The following DSCAM variants were observed in gnomAD, a reference collection of about 807,000 sequenced individuals.
The protein encoded by DSCAM is cell adhesion molecule DSCAM.
DSCAM carries 47 observed loss-of-function variants against 217.7 expected under a neutral mutation model. That is an observed-to-expected ratio of 0.22 (90% CI 0.17 to 0.28). The LOEUF (loss-of-function observed/expected upper bound fraction) is 0.28, where lower values mean the gene tolerates loss of function less well. Among genes scored for constraint, DSCAM ranks in the 10% least tolerant of loss-of-function variants. DSCAM has a pLI of 1.00. For synonymous variants in DSCAM, 1,056 were observed against 1,015.3 expected, an observed-to-expected ratio of 1.04 and a Z score of -0.76; for missense variants, 2,080 against 2,618.3, an observed-to-expected ratio of 0.79 and a Z score of 4.49.
chr21:40,653,271 A>T lies in DSCAM; in HGVS notation c.508+39539T>A, dbSNP rs148693958. On this transcript the variant is annotated intron_variant, in intron 3 of 32. Coordinates refer to ENST00000400454, the MANE Select transcript of DSCAM (RefSeq NM_001389.5). ...CTCCAACACAGTCCAACATTTCCAC[A>T]TGGGTTCCTGTTAACGACACGGTCT... Among the ~76,000 whole-genome samples the T allele has an allele frequency of 5.3e-5, 8 of 152,262 alleles. No homozygotes were observed. The East Asian group carries it at 1.4e-3, about 26-fold the overall frequency.
chr21:40,531,067 C>T (rs1462627575), intron 3 of DSCAM, among the ~76,000 whole-genome samples: 1 of 152,172 alleles, frequency 6.6e-6, no homozygotes, highest in Non-Finnish European at 1.5e-5. Context: ...ATTTTCCACA[C>T]CTCAGGCAGA....
chr21:40,068,637 A>G (rs2089245557), intron 27 of DSCAM, among the ~76,000 whole-genome samples: 1 of 152,190 alleles, frequency 6.6e-6, no homozygotes, highest in Non-Finnish European at 1.5e-5. Flanking sequence ...TGATGAGACA[A>G]CCTGTTTCTT....
At position 40,287,842 on chromosome 21, in the gene DSCAM, A is replaced by G. The variant is rs188682793; in HGVS notation, c.2182+8213T>C. Among the ~76,000 whole-genome samples, 4 of 152,230 alleles carry G rather than the reference A, an allele frequency of 2.6e-5. No individual in the cohort carries two copies. In the East Asian group the frequency reaches 5.8e-4, roughly 22 times the overall value. On this transcript the variant is annotated intron_variant, in intron 10 of 32. Transcript: ENST00000400454. ...GCAGCTTGTCTGGGTGCAGTAGGAG[A>G]AGGAGGAGCTAAAGCAAACCTGTGT...
intron 23 of DSCAM, 106 bp downstream of exon 23, chr21:40,085,495 AG>A: frequency 9.9e-7 from 1 of 1,006,562 alleles, no homozygotes; most frequent in Non-Finnish European, 1.3e-6. Context: ...TGGAAACAGA[AG>A]TTAGCTCTTT....
chr21:40,756,976 CGTGTGTGTGTGT>C, intron 1 of DSCAM, among the ~76,000 whole-genome samples: 1 of 149,708 alleles, frequency 6.7e-6, no homozygotes, highest in South Asian at 2.1e-4. Flanking sequence ...AACAAATGGT[CGTGTGTGTGTGT>C]GTGTGTGTGT....
chr21:40,476,584 G>A (rs897059581), intron 3 of DSCAM, among the ~76,000 whole-genome samples: 1 of 152,158 alleles, frequency 6.6e-6, no homozygotes, highest in Non-Finnish European at 1.5e-5. Context: ...ACTAAACAAT[G>A]AGCTTTCGAA....
Position 40,692,928 on chromosome 21 carries a change from C to A in DSCAM, c.390G>T (p.Val130=), listed in dbSNP as rs1260351144. 1 of 1,613,914 alleles carries A rather than the reference C, an allele frequency of 6.2e-7. No individual in the cohort carries two copies. Among genetic ancestry groups the A allele is most frequent in the Non-Finnish European group, 8.5e-7 (1 of 1,179,856 alleles). Reference sequence around the variant, plus strand: ...TGCCTCTCATGGTTTTCTGGTCCTCCACACGGACTGTATAGGGCTCCCGTA... The same window carrying A: ...TGCCTCTCATGGTTTTCTGGTCCTCAACACGGACTGTATAGGGCTCCCGTA... ...AVLREPYTVR[V]EDQKTMRGNV... The change falls in exon 3 of 33, where the codon GTG becomes GTT. Residue 130 remains valine, a synonymous_variant. Transcript: ENST00000400454.
intron 14 of DSCAM, 72 bp downstream of exon 14, chr21:40,187,059 A>G: frequency 6.3e-7 from 1 of 1,580,566 alleles, no homozygotes; most frequent in Non-Finnish European, 8.6e-7. Context: ...TACAGGTAAA[A>G]CACATTAATA....
chr21:40,381,514 T>A (rs2075025357), intron 3 of DSCAM, among the ~76,000 whole-genome samples: 1 of 152,036 alleles, frequency 6.6e-6, no homozygotes, highest in Non-Finnish European at 1.5e-5. Context: ...AAAAAATAAG[T>A]GAAGGAAGGT....
At chr21:40,486,023 T>A (rs890466237) in intron 3 of DSCAM, among the ~76,000 whole-genome samples, 1 of 152,224 alleles carries the variant, frequency 6.6e-6, no homozygotes, top group Non-Finnish European at 1.5e-5. Flanking sequence ...AACTACGTAC[T>A]ATAAACTGAG....
At position 40,224,832 on chromosome 21, in the gene DSCAM, C is replaced by T. The variant is rs115377321; in HGVS notation, c.2357-35594G>A. Among the ~76,000 whole-genome samples, 714 of 152,272 alleles carry T rather than the reference C, an allele frequency of 4.7e-3. 8 individuals carry two copies. Among genetic ancestry groups the T allele is most frequent in the African/African-American group, 0.017 (692 of 41,542 alleles). On this transcript the variant is annotated intron_variant, in intron 11 of 32. Transcript: ENST00000400454. ...ACATCTTACGTTTCATATTTATATG[C>T]CAGTGAATATTCAAGTTAAAAAGGA...
intron 3 of DSCAM, among the ~76,000 whole-genome samples, chr21:40,632,102 C>T (rs2089699339): frequency 6.6e-6 from 1 of 152,176 alleles, no homozygotes; most frequent in African/African-American, 2.4e-5. Context: ...GTGCCCTGGG[C>T]ATGGGGCCTC....
intron 3 of DSCAM, among the ~76,000 whole-genome samples, chr21:40,642,038 G>A (rs2089887367): frequency 1.2e-5 from 1 of 82,040 alleles, no homozygotes; most frequent in Non-Finnish European, 2.5e-5. Context: ...CAGAGACTCT[G>A]TCTCAAAAAA....
intron 27 of DSCAM, among the ~76,000 whole-genome samples, chr21:40,065,266 T>C (rs2089190347): frequency 6.6e-6 from 1 of 151,770 alleles, no homozygotes; most frequent in Non-Finnish European, 1.5e-5. Context: ...TCGGGGGACA[T>C]TAGGTGAGGC....
intron 18 of DSCAM, among the ~76,000 whole-genome samples, chr21:40,141,977 C>CACACACACACACAT (rs780589338): frequency 7.4e-6 from 1 of 134,674 alleles, no homozygotes; most frequent in African/African-American, 3.1e-5. Flanking sequence ...ACTTGAAATA[C>CACACACACACACAT]ACACACACAC....
At chr21:40,201,850 T>C (rs56369210) in intron 11 of DSCAM, among the ~76,000 whole-genome samples, 7,686 of 152,280 alleles carry the variant, frequency 0.05, 433 homozygotes, top group African/African-American at 0.14. Flanking sequence ...ATAGATCATG[T>C]CATCCTGAAA....
At chr21:40,483,120 T>C (rs749897140) in intron 3 of DSCAM, among the ~76,000 whole-genome samples, 1 of 152,242 alleles carries the variant, frequency 6.6e-6, no homozygotes, top group Non-Finnish European at 1.5e-5. Context: ...TCTGCATCTC[T>C]AGAAGATTAG....
chr21:40,043,671 C>G (rs916486861), intron 31 of DSCAM, among the ~76,000 whole-genome samples: 1 of 152,160 alleles, frequency 6.6e-6, no homozygotes, highest in East Asian at 1.9e-4. Context: ...GTGCTATGAC[C>G]TCATCATGTA....
chr21:40,041,945 T>C (rs1248745996), intron 32 of DSCAM, among the ~76,000 whole-genome samples: 1 of 152,194 alleles, frequency 6.6e-6, no homozygotes, highest in Non-Finnish European at 1.5e-5. Flanking sequence ...ACAGAAATGA[T>C]AGCTGTGTCA....
Sources: allele counts gnomAD v4.1 joint callset (sites outside exome capture counted in the v4.1 genomes callset), GRCh38; gene constraint gnomAD v4.1.1; transcripts MANE v1.5; gene names NCBI Gene and HGNC (gene_info 2026-07-23, HGNC 2026-07-21).